The following GRB10 variants were observed in gnomAD, a reference collection of about 807,000 sequenced individuals.
GRB10 encodes the protein growth factor receptor bound protein 10.
Under a neutral mutation model 80.9 loss-of-function variants are expected in GRB10, and 20 were observed. The observed-to-expected ratio is 0.25, with a 90% CI of 0.17 to 0.36. The LOEUF (loss-of-function observed/expected upper bound fraction) is 0.36. Ranked by LOEUF, GRB10 falls within the 10% of genes least tolerant of loss-of-function variation. GRB10 has a pLI of 1.00. For missense variants in GRB10, 548 were observed against 747.7 expected (o/e 0.73, Z 3.12); for synonymous variants, 291 against 291.5 (o/e 1.00, Z 0.02).
intron 12 of GRB10, among the ~76,000 whole-genome samples, chr7:50,613,704 G>A (rs3735271): frequency 0.083 from 12,656 of 152,208 alleles, 799 homozygotes; most frequent in South Asian, 0.13. Context: ...AAGGGAGAGT[G>A]CCAGCTGCTG....
chr7:50,777,843 C>T (rs1004590858), intron 2 of GRB10, among the ~76,000 whole-genome samples: 4 of 152,090 alleles, frequency 2.6e-5, no homozygotes, highest in Admixed American at 2.0e-4. Flanking sequence ...CATGTTCTCA[C>T]TCATAAGTGG....
chr7:50,671,611 C>T (rs1358089592), intron 6 of GRB10, among the ~76,000 whole-genome samples: 5 of 152,252 alleles, frequency 3.3e-5, no homozygotes, highest in Non-Finnish European at 5.9e-5. Context: ...CTTCCCATAA[C>T]AGCTTCAGCC....
At chr7:50,624,777 T>C (rs193193974) in intron 8 of GRB10, among the ~76,000 whole-genome samples, 1 of 152,232 alleles carries the variant, frequency 6.6e-6, no homozygotes, top group East Asian at 1.9e-4. Context: ...AGGAATTTCA[T>C]GTATCTTCAA....
At chr7:50,655,190 C>T (rs140516192) in intron 7 of GRB10, among the ~76,000 whole-genome samples, 9 of 152,170 alleles carry the variant, frequency 5.9e-5, no homozygotes, top group Non-Finnish European at 1.0e-4. Flanking sequence ...GATGCTGTGT[C>T]CCCCTGGGTG....
intron 17 of GRB10, among the ~76,000 whole-genome samples, chr7:50,602,244 C>T (rs1214845887): frequency 6.6e-6 from 1 of 152,224 alleles, no homozygotes; most frequent in African/African-American, 2.4e-5. Flanking sequence ...TTTTGGAACA[C>T]CTAATGAAAT....
intron 3 of GRB10, among the ~76,000 whole-genome samples, chr7:50,752,927 C>T (rs1446584319): frequency 1.3e-5 from 2 of 152,232 alleles, no homozygotes; most frequent in Non-Finnish European, 2.9e-5. Context: ...GGGAAACGCT[C>T]AGAGGTCTCT....
At chr7:50,652,794 C>T (rs1482279884) in intron 7 of GRB10, among the ~76,000 whole-genome samples, 1 of 152,204 alleles carries the variant, frequency 6.6e-6, no homozygotes, top group African/African-American at 2.4e-5. Flanking sequence ...CCATCCCCTT[C>T]GTTTTCTTTG....
intron 5 of GRB10, among the ~76,000 whole-genome samples, chr7:50,698,018 T>C (rs1228441548): frequency 7.5e-6 from 1 of 132,898 alleles, no homozygotes; most frequent in Non-Finnish European, 1.6e-5. Context: ...CAGGCTTCCT[T>C]GATTTCCAGC....
chr7:50,623,798 C>A (rs1274513886), intron 8 of GRB10, among the ~76,000 whole-genome samples: 2 of 152,092 alleles, frequency 1.3e-5, no homozygotes. Context: ...ATCCTAAATG[C>A]CTGGGACCAG....
In GRB10 at chr7:50,732,276, T is replaced by C. The variant is rs1050744570; in HGVS notation, c.47A>G (p.Tyr16Cys). 1.2e-6 allele frequency: 2 copies of C among 1,613,858 alleles called. No individual in the cohort carries two copies. The highest frequency in any genetic ancestry group is 2.7e-5 in the African/African-American group (2 of 74,986). ...GATATATGTGCTCGCCCATACCTGG[T>C]AGTACGGATGGTGCAAAAAGGAATC... ...CPDSFLHHPY[Y>C]QDKVEQTPRS... Residue 16 changes from tyrosine to cysteine, a missense_variant, in exon 4 of 19, where the codon TAC becomes TGC. By Grantham distance (194) the Tyr-to-Cys change is radical. This residue lies in a region of GRB10 where 245 missense variants were observed against 229.3 expected (regional missense o/e 1.07). Transcript: ENST00000401949.
upstream of GRB10, among the ~76,000 whole-genome samples, chr7:50,783,767 G>A (rs534238656): frequency 5.3e-5 from 8 of 152,296 alleles, no homozygotes; most frequent in East Asian, 1.5e-3. Context: ...TTCTGAAACT[G>A]AGATCCTATA....
In GRB10 at chr7:50,613,336, T is replaced by A. The variant is rs1054222728; in HGVS notation, c.1096-497A>T. 2.0e-5 allele frequency among the ~76,000 whole-genome samples: 3 copies of A among 152,000 alleles called. 1 individual carries two copies. The highest frequency in any genetic ancestry group is 7.2e-5 in the African/African-American group (3 of 41,382). On this transcript the variant is annotated intron_variant, in intron 12 of 18. Transcript: ENST00000401949. ...TGAGGAGCTCAGGGATTCTGATGTCTGAGCAGCCCCAAGATCAGACCCCAA... is the reference window on the plus strand; with the variant it reads ...TGAGGAGCTCAGGGATTCTGATGTCAGAGCAGCCCCAAGATCAGACCCCAA...
chr7:50,616,429 T>C, intron 10 of GRB10, 82 bp from the exon 11 acceptor site: 1 of 1,324,110 alleles, frequency 7.6e-7, no homozygotes, highest in Non-Finnish European at 1.1e-6. Flanking sequence ...TAGCTGACAT[T>C]TTCTGAATTA....
chr7:50,665,710 C>T (rs1415478476), intron 7 of GRB10, among the ~76,000 whole-genome samples: 2 of 152,112 alleles, frequency 1.3e-5, no homozygotes, highest in East Asian at 3.9e-4. Context: ...CTGGGCAGGA[C>T]CCCAGACCCA....
At chr7:50,637,006 C>G (rs2055178432) in intron 7 of GRB10, among the ~76,000 whole-genome samples, 2 of 152,186 alleles carry the variant, frequency 1.3e-5, no homozygotes, top group Non-Finnish European at 2.9e-5. Context: ...TTGGTAGGGT[C>G]TGGCTCTGTC....
Position 50,614,806 on chromosome 7 carries a change from C to G in GRB10, c.1059G>C (p.Gln353His). ...GCCCGTGGTCTGTAGGGGCGTTGTA[C>G]TGCTTCCTGCCAGCGATCAGGGAGA... is the stretch of plus-strand genomic sequence containing the variant. ...NIFSLIAGRK[Q>H]YNAPTDHGLC... The change falls in exon 12 of 19, where the codon CAG becomes CAC. Residue 353 changes from glutamine (Q) to histidine (H), a missense_variant. This residue lies in a region of GRB10 where 270 missense variants were observed against 433.6 expected (regional missense o/e 0.62). Transcript: ENST00000401949. The G allele has an allele frequency of 3.1e-6, 5 of 1,614,044 alleles. No individual in the cohort carries two copies. The highest frequency in any genetic ancestry group is 4.2e-6 in the Non-Finnish European group (5 of 1,179,954).
At chr7:50,597,638 G>A (rs187302560) in intron 17 of GRB10, among the ~76,000 whole-genome samples, 1 of 152,380 alleles carries the variant, frequency 6.6e-6, no homozygotes, top group East Asian at 1.9e-4. Flanking sequence ...CGAGAGGGAC[G>A]TGTACCCCTG....
upstream of GRB10, among the ~76,000 whole-genome samples, chr7:50,786,607 AG>A (rs1370707446): frequency 1.3e-5 from 2 of 152,268 alleles, no homozygotes; most frequent in African/African-American, 4.8e-5. Context: ...TAAATGTTTT[AG>A]GGAAAACTAT....
Position 50,604,028 on chromosome 7 carries a change from C to T in GRB10, c.1514G>A (p.Arg505Lys). ...HGRISREESH[R>K]IIKQQGLVDG... is the part of the protein sequence containing the mutation. Reference sequence around the variant, plus strand: ...CACGAGCCCTTGCTGTTTAATGATCCTGTGGGATTCCTCCCTGGAGATCCT... The same window carrying T: ...CACGAGCCCTTGCTGTTTAATGATCTTGTGGGATTCCTCCCTGGAGATCCT... The change falls in exon 17 of 19, where the codon AGG (arginine) becomes AAG (lysine). Residue 505 changes from arginine to lysine, a missense_variant. Arg to Lys is a conservative substitution (Grantham distance 26). Transcript: ENST00000401949. The T allele has an allele frequency of 3.7e-6, 6 of 1,614,070 alleles. No individual in the cohort carries two copies. Among genetic ancestry groups the T allele is most frequent in the Non-Finnish European group, 5.1e-6 (6 of 1,179,886 alleles).
Sources: gnomAD v4.1 joint callset for allele counts (sites outside exome capture counted in the v4.1 genomes callset) on GRCh38, gnomAD v4.1.1 for gene constraint, gnomAD v4.1.1 regional missense constraint, MANE v1.5 for transcripts, NCBI Gene and HGNC (gene_info 2026-07-23, HGNC 2026-07-21) for gene names.